Variants in TANC2 observed in about 807,000 individuals in gnomAD.
TANC2 encodes protein TANC2.
TANC2 carries 26 observed loss-of-function variants against 210.5 expected under a neutral mutation model. The observed-to-expected ratio is 0.12, with a 90% CI of 0.09 to 0.17. The LOEUF is 0.17. Ranked by LOEUF, TANC2 falls within the 10% of genes least tolerant of loss-of-function variation. TANC2 has a pLI of 1.00. For missense variants in TANC2, 2,129 were observed against 2,608.9 expected (o/e 0.82, Z 4.01); for synonymous variants, 931 against 967.1 (o/e 0.96, Z 0.69).
chr17:63,214,137 G>A (rs1298817941), intron 7 of TANC2, among the ~76,000 whole-genome samples: 1 of 152,224 alleles, frequency 6.6e-6, no homozygotes, highest in South Asian at 2.1e-4. Context: ...ACAGCCTGGT[G>A]AGTATTATCT....
chr17:63,415,817 A>T, intron 26 of TANC2, 143 bp downstream of exon 26: 1 of 956,496 alleles, frequency 1.0e-6, no homozygotes, highest in Non-Finnish European at 1.5e-6. Flanking sequence ...GACATTTGCA[A>T]TTTGAAAGAA....
intron 11 of TANC2, among the ~76,000 whole-genome samples, chr17:63,322,517 A>G (rs925141246): frequency 4.6e-5 from 7 of 152,184 alleles, no homozygotes; most frequent in African/African-American, 1.7e-4. Flanking sequence ...GAACAGACTA[A>G]TATCTATCTT....
intron 4 of TANC2, chr17:63,125,086 C>T (rs1488517502): frequency 6.6e-6 from 1 of 152,152 alleles, no homozygotes; most frequent in Non-Finnish European, 1.5e-5. Flanking sequence ...GAAAGGATCC[C>T]TAAAGCAGTT....
intron 5 of TANC2, chr17:63,153,800 G>A (rs2039742432): frequency 6.6e-6 from 1 of 152,100 alleles, no homozygotes; most frequent in Admixed American, 6.6e-5. Context: ...GGTAGCTTTT[G>A]TGTCTGAGAA....
chr17:63,176,253 G>A (rs1354631841), intron 5 of TANC2, among the ~76,000 whole-genome samples: 1 of 152,164 alleles, frequency 6.6e-6, no homozygotes, highest in Non-Finnish European at 1.5e-5. Context: ...GACATTTATA[G>A]CACTTTTATA....
chr17:63,344,177 T>A (rs1402705815), intron 12 of TANC2, among the ~76,000 whole-genome samples: 1 of 152,194 alleles, frequency 6.6e-6, no homozygotes, highest in Non-Finnish European at 1.5e-5. Context: ...GAACTATGCG[T>A]GCAAGGGATC....
At chr17:63,344,736 T>C (rs1447765757) in intron 12 of TANC2, among the ~76,000 whole-genome samples, 1 of 152,212 alleles carries the variant, frequency 6.6e-6, no homozygotes, top group East Asian at 1.9e-4. Context: ...GTGGCAGTTT[T>C]AAAACATGGC....
At chr17:63,150,244 T>C (rs1267624280) in intron 4 of TANC2, 1 of 152,150 alleles carries the variant, frequency 6.6e-6, no homozygotes, top group Admixed American at 6.6e-5. Flanking sequence ...CACTAATATA[T>C]AATACAAACA....
chr17:63,127,816 C>A (rs1050692763), intron 4 of TANC2, among the ~76,000 whole-genome samples: 3 of 152,236 alleles, frequency 2.0e-5, no homozygotes, highest in Non-Finnish European at 4.4e-5. Flanking sequence ...ACACTGTGAG[C>A]TAACTCTACC....
At chr17:63,266,847 TG>T (rs1414377355) in intron 8 of TANC2, among the ~76,000 whole-genome samples, 1 of 152,072 alleles carries the variant, frequency 6.6e-6, no homozygotes, top group Non-Finnish European at 1.5e-5. Context: ...CCTTTTTTTG[TG>T]GTGTTATTGT....
intron 2 of TANC2, among the ~76,000 whole-genome samples, chr17:63,036,303 A>G (rs1197847038): frequency 6.6e-6 from 1 of 152,142 alleles, no homozygotes; most frequent in African/African-American, 2.4e-5. Flanking sequence ...GTGTGAGGTT[A>G]AGGTTGATGT....
intron 2 of TANC2, among the ~76,000 whole-genome samples, chr17:63,016,783 A>T (rs1170735564): frequency 2.6e-5 from 4 of 152,008 alleles, no homozygotes; most frequent in African/African-American, 9.6e-5. Context: ...TGTGGTTTTG[A>T]CTTGACTTTT....
intron 6 of TANC2, among the ~76,000 whole-genome samples, chr17:63,199,954 T>A (rs1360441714): frequency 6.6e-6 from 1 of 152,204 alleles, no homozygotes; most frequent in Admixed American, 6.5e-5. Context: ...TTTCTCTGCA[T>A]TCATGTATTG....
At chr17:63,150,561 A>G (rs1272969319) in intron 4 of TANC2, 3 of 152,314 alleles carry the variant, frequency 2.0e-5, no homozygotes, top group Admixed American at 6.5e-5. Flanking sequence ...AGGCATCATG[A>G]TTAAATTGGT....
exon 28 of TANC2, chr17:63,422,049 A>C: frequency 2.4e-5 from 35 of 1,448,760 alleles, no homozygotes; most frequent in South Asian, 2.8e-5. Context: ...TTAATTTCTC[A>C]TGTAGTTTCT....
intron 9 of TANC2, among the ~76,000 whole-genome samples, chr17:63,287,218 T>A (rs2044251001): frequency 6.6e-6 from 1 of 152,088 alleles, no homozygotes; most frequent in Admixed American, 6.6e-5. Flanking sequence ...CAGGTGTGAG[T>A]CACTGCACCC....
chr17:63,122,769 C>G (rs932468856), intron 4 of TANC2, among the ~76,000 whole-genome samples: 2 of 152,104 alleles, frequency 1.3e-5, no homozygotes, highest in Non-Finnish European at 2.9e-5. Flanking sequence ...ATTATGGAAA[C>G]ATAATTTACT....
intron 17 of TANC2, chr17:63,391,597 C>T (rs892402780): frequency 1.3e-5 from 2 of 152,062 alleles, no homozygotes; most frequent in African/African-American, 4.8e-5. Flanking sequence ...AAGAAAATAA[C>T]CCAACCTCCC....
At chr17:62,982,842 C>G (rs1290949797) in intron 1 of TANC2, among the ~76,000 whole-genome samples, 1 of 152,146 alleles carries the variant, frequency 6.6e-6, no homozygotes, top group Non-Finnish European at 1.5e-5. Context: ...TATGTCGGTA[C>G]CATGCTGTTT....
Sources: allele counts gnomAD v4.1 joint callset (sites outside exome capture counted in the v4.1 genomes callset), GRCh38; gene constraint gnomAD v4.1.1; transcripts MANE v1.5; gene names NCBI Gene and HGNC (gene_info 2026-07-23, HGNC 2026-07-21).